The following PCSK6 variants were observed in gnomAD, a reference collection of about 807,000 sequenced individuals.
PCSK6 encodes proprotein convertase subtilisin/kexin type 6, also known as paired basic amino acid cleaving enzyme 4.
Under a neutral mutation model 123.3 loss-of-function variants are expected in PCSK6, and 85 were observed. The observed-to-expected ratio is 0.69, with a 90% CI of 0.58 to 0.83. PCSK6 has a LOEUF of 0.83. Ranked by LOEUF, PCSK6 falls within the 40% of genes least tolerant of loss-of-function variation. PCSK6 has a pLI of 0.00. For missense variants in PCSK6, 1,191 were observed against 1,282.3 expected, an observed-to-expected ratio of 0.93 and a Z score of 1.09; for synonymous variants, 508 against 516.0, an observed-to-expected ratio of 0.98 and a Z score of 0.21.
At chr15:101,344,402 T>C (rs1479746268) in intron 13 of PCSK6, among the ~76,000 whole-genome samples, 2 of 152,222 alleles carry the variant, frequency 1.3e-5, no homozygotes, top group Non-Finnish European at 2.9e-5. Flanking sequence ...CCTCTACATA[T>C]TGATACATAC....
chr15:101,327,676 T>C (rs2040287258), intron 15 of PCSK6, among the ~76,000 whole-genome samples: 1 of 152,136 alleles, frequency 6.6e-6, no homozygotes, highest in Non-Finnish European at 1.5e-5. Flanking sequence ...AAGTCCTCAT[T>C]CTCTGCTGCC....
chr15:101,385,113 C>T (rs1290308659), intron 9 of PCSK6, among the ~76,000 whole-genome samples: 1 of 152,094 alleles, frequency 6.6e-6, no homozygotes, highest in Non-Finnish European at 1.5e-5. Context: ...ACCTCCTGGG[C>T]TCAAGCAGTC....
intron 19 of PCSK6, 32 bp downstream of exon 19, chr15:101,318,287 T>C: frequency 6.7e-7 from 1 of 1,486,680 alleles, no homozygotes; most frequent in Non-Finnish European, 9.2e-7. Flanking sequence ...TGGGTGACGC[T>C]GGCCCGAGGC....
intron 15 of PCSK6, among the ~76,000 whole-genome samples, chr15:101,328,111 C>T (rs954836533): frequency 5.3e-5 from 8 of 152,218 alleles, no homozygotes. Context: ...TTAAATTACC[C>T]ATTGAGCCCA....
chr15:101,435,851 G>A (rs11852385), intron 2 of PCSK6, among the ~76,000 whole-genome samples: 6,010 of 152,248 alleles, frequency 0.039, 346 homozygotes, highest in African/African-American at 0.14. Flanking sequence ...CCCTGCCCGC[G>A]TTCCAGTAAA....
chr15:101,445,718 G>A (rs12441560), intron 1 of PCSK6, among the ~76,000 whole-genome samples: 53,034 of 152,132 alleles, frequency 0.35, 10,118 homozygotes, highest in African/African-American at 0.52. Context: ...GAGACGTTAC[G>A]TAACTTTTGG....
intron 13 of PCSK6, among the ~76,000 whole-genome samples, chr15:101,335,147 A>G (rs938065571): frequency 6.6e-6 from 1 of 152,060 alleles, no homozygotes; most frequent in African/African-American, 2.4e-5. Context: ...TTTGGTAGAG[A>G]TAGAGTTTCA....
intron 1 of PCSK6, among the ~76,000 whole-genome samples, chr15:101,488,062 C>G (rs1469149442): frequency 6.6e-6 from 1 of 152,186 alleles, no homozygotes; most frequent in Non-Finnish European, 1.5e-5. Context: ...GAATCCACCC[C>G]TCCAGCCACA....
chr15:101,377,383 G>C (rs28705757), intron 11 of PCSK6, among the ~76,000 whole-genome samples: 3,491 of 152,276 alleles, frequency 0.023, 145 homozygotes, highest in African/African-American at 0.078. Context: ...CCTACCTAGG[G>C]GGGCAAGGTG....
At chr15:101,467,737 G>A (rs1216634304) in intron 1 of PCSK6, among the ~76,000 whole-genome samples, 1 of 152,218 alleles carries the variant, frequency 6.6e-6, no homozygotes, top group East Asian at 1.9e-4. Context: ...GAAACACGAT[G>A]TTAAACTGGG....
chr15:101,414,049 T>C (rs975908093), intron 6 of PCSK6, among the ~76,000 whole-genome samples: 1 of 152,106 alleles, frequency 6.6e-6, no homozygotes, highest in Non-Finnish European at 1.5e-5. Flanking sequence ...TATATTAATA[T>C]CAGATAAAGT....
intron 6 of PCSK6, among the ~76,000 whole-genome samples, chr15:101,407,247 C>T (rs1295624224): frequency 6.6e-6 from 1 of 152,184 alleles, no homozygotes; most frequent in Non-Finnish European, 1.5e-5. Context: ...ATGTTTTCTA[C>T]AATATTTATC....
chr15:101,470,084 C>A (rs1165985680), intron 1 of PCSK6, among the ~76,000 whole-genome samples: 1 of 152,110 alleles, frequency 6.6e-6, no homozygotes, highest in Non-Finnish European at 1.5e-5. Context: ...AAGAGCTGAA[C>A]CATTCCAACT....
intron 1 of PCSK6, among the ~76,000 whole-genome samples, chr15:101,479,188 A>AAGC (rs952166959): frequency 9.2e-5 from 14 of 152,094 alleles, no homozygotes; most frequent in Admixed American, 5.2e-4. Flanking sequence ...GCAGGTCAGG[A>AAGC]AGCAGCACTT....
At chr15:101,470,540 T>C (rs986019683) in intron 1 of PCSK6, among the ~76,000 whole-genome samples, 19 of 152,248 alleles carry the variant, frequency 1.2e-4, no homozygotes, top group Admixed American at 1.2e-3. Context: ...TAGTTTAATG[T>C]CCTTTCATTT....
At chr15:101,447,447 C>T (rs539447562) in intron 1 of PCSK6, among the ~76,000 whole-genome samples, 1 of 152,236 alleles carries the variant, frequency 6.6e-6, no homozygotes. Context: ...AAGACTATGT[C>T]ACACTGTGGG....
intron 6 of PCSK6, among the ~76,000 whole-genome samples, chr15:101,422,153 A>G (rs987400310): frequency 1.3e-5 from 2 of 152,218 alleles, no homozygotes; most frequent in African/African-American, 4.8e-5. Flanking sequence ...ACTGAAGTAC[A>G]GTAAAATGTC....
chr15:101,478,277 T>C (rs1455637016), intron 1 of PCSK6, among the ~76,000 whole-genome samples: 1 of 152,102 alleles, frequency 6.6e-6, no homozygotes, highest in Non-Finnish European at 1.5e-5. Context: ...TCATCAGCAG[T>C]GCCTGGCAGA....
In PCSK6 at chr15:101,348,695, T is replaced by TC. The variant is rs546172418; in HGVS notation, c.1859-16665dup. Among the ~76,000 whole-genome samples the TC allele has an allele frequency of 4.5e-3, 680 of 152,280 alleles. 2 individuals are homozygous for TC. Among genetic ancestry groups the TC allele is most frequent in the Non-Finnish European group, 6.3e-3 (431 of 68,024 alleles). ...TATGAAACCTTCCTCCATTTGAATC[T>TC]CCCCAGGCCCGTTGAAGTAGACACT... On this transcript the variant is annotated intron_variant, in intron 13 of 21. Coordinates refer to ENST00000611716, the MANE Select transcript of PCSK6 (RefSeq NM_002570.5).
Sources: allele counts gnomAD v4.1 joint callset (sites outside exome capture counted in the v4.1 genomes callset), GRCh38; gene constraint gnomAD v4.1.1; transcripts MANE v1.5; gene names NCBI Gene and HGNC (gene_info 2026-07-23, HGNC 2026-07-21).